Variants in ASTN1 observed in about 807,000 individuals in gnomAD.
ASTN1 encodes astrotactin-1.
A neutral mutation model predicts 140.7 loss-of-function variants in ASTN1; 41 were observed. The ratio of observed to expected loss-of-function variants is 0.29; its 90% confidence interval spans 0.23 to 0.38. The LOEUF is 0.38. Ranked by LOEUF, ASTN1 falls within the 10% of genes least tolerant of loss-of-function variation. The probability of loss-of-function intolerance (pLI) is 1.00; values close to 1 mark genes in which losing one functional copy is unlikely to be tolerated. For synonymous variants in ASTN1, 640 were observed against 652.2 expected (o/e 0.98, Z 0.29); for missense variants, 1,479 against 1,678.8 (o/e 0.88, Z 2.08).
Position 177,007,558 on chromosome 1 carries a change from G to A in ASTN1, c.1523+7233C>T, listed in dbSNP as rs1675058464. On this transcript the variant is annotated intron_variant, in intron 8 of 22. Coordinates refer to ENST00000361833, the MANE Select transcript of ASTN1 (RefSeq NM_004319.3). ...AAGAAGTGTTCTTAAGTCTGGCTGT[G>A]CTTCAGAAACATCTGTGGGAGCTTG... 2.0e-5 allele frequency among the ~76,000 whole-genome samples: 3 copies of A among 152,166 alleles called. No individual in the cohort carries two copies. In the South Asian group the frequency reaches 6.2e-4, roughly 32 times the overall value.
chr1:177,055,322 G>A (rs994794016), intron 2 of ASTN1, among the ~76,000 whole-genome samples: 6 of 152,224 alleles, frequency 3.9e-5, no homozygotes, highest in African/African-American at 9.6e-5. Flanking sequence ...TATGCCCGAC[G>A]CATCTTGACA....
chr1:176,923,352 A>G (rs1184732350), intron 16 of ASTN1, among the ~76,000 whole-genome samples: 4 of 152,156 alleles, frequency 2.6e-5, no homozygotes, highest in Non-Finnish European at 5.9e-5. Flanking sequence ...AGGGTTAACA[A>G]TTTACCCTAG....
chr1:176,861,358 G>T lies in ASTN1; in HGVS notation c.*2926C>A, dbSNP rs1667954188. 5.1e-6 allele frequency: 5 copies of T among 985,696 alleles called. No homozygotes were observed. The highest frequency in any genetic ancestry group is 6.0e-6 in the Non-Finnish European group (5 of 829,924). 61.1% of individuals were successfully genotyped at this position (985,696 alleles called of 1,614,324 possible). A position where few individuals can be genotyped will look rare whatever the true frequency, so the allele number is the denominator to read the frequency against. ...TACAGTGGTTCATGTACATTCAAGA[G>T]GAAACTCCAGAGGTCTTGGGGACAT... On this transcript the variant is annotated 3_prime_UTR_variant, in exon 23 of 23. Coordinates refer to ENST00000361833, the MANE Select transcript of ASTN1 (RefSeq NM_004319.3).
At chr1:177,057,223 T>C (rs1207577895) in intron 2 of ASTN1, among the ~76,000 whole-genome samples, 1 of 146,498 alleles carries the variant, frequency 6.8e-6, no homozygotes, top group East Asian at 1.9e-4. Context: ...AAGCAAAAGG[T>C]TTTTCAGTTT....
intron 1 of ASTN1, among the ~76,000 whole-genome samples, chr1:177,148,245 G>A (rs767136836): frequency 1.3e-5 from 2 of 151,698 alleles, no homozygotes; most frequent in East Asian, 1.9e-4. Context: ...GGTGAAACCC[G>A]GTCTCTACAA....
chr1:177,076,597 C>T (rs1286699015), intron 1 of ASTN1, among the ~76,000 whole-genome samples: 2 of 151,390 alleles, frequency 1.3e-5, no homozygotes, highest in Admixed American at 6.6e-5. Context: ...TCTTGGCTCA[C>T]TGCAACCTAT....
intron 1 of ASTN1, among the ~76,000 whole-genome samples, chr1:177,140,778 T>A (rs906749562): frequency 6.6e-6 from 1 of 152,230 alleles, no homozygotes; most frequent in East Asian, 1.9e-4. Flanking sequence ...AGCTGAGACT[T>A]CTGAGACCTC....
At chr1:176,889,155 A>G (rs1669161219) in intron 17 of ASTN1, among the ~76,000 whole-genome samples, 1 of 152,240 alleles carries the variant, frequency 6.6e-6, no homozygotes. Context: ...TAGACCAGTG[A>G]AGTAACAGAA....
chr1:177,048,687 T>G (rs1311452654), intron 2 of ASTN1, among the ~76,000 whole-genome samples: 8 of 152,194 alleles, frequency 5.3e-5, no homozygotes, highest in African/African-American at 1.9e-4. Flanking sequence ...TCCCATGGCT[T>G]GCTCCCTAAT....
In ASTN1 at chr1:177,059,308, G is replaced by A. The variant is rs527381760; in HGVS notation, c.471+1770C>T. Among the ~76,000 whole-genome samples, 20 of 151,990 alleles carry A rather than the reference G, an allele frequency of 1.3e-4. 1 individual carries two copies. The highest frequency in any genetic ancestry group is 8.3e-4 in the South Asian group (4 of 4,814). ...TGAAGACAATCTGGCCTCTAAATTC[G>A]TCACTCCAGTCAATGCCAGGGCCAA... On this transcript the variant is annotated intron_variant, in intron 2 of 22. Coordinates refer to ENST00000361833, the MANE Select transcript of ASTN1 (RefSeq NM_004319.3).
chr1:177,071,463 G>C (rs1678631592), intron 1 of ASTN1, among the ~76,000 whole-genome samples: 1 of 152,194 alleles, frequency 6.6e-6, no homozygotes, highest in African/African-American at 2.4e-5. Context: ...ACTAGTCTGT[G>C]TGAGCACCTG....
chr1:177,045,222 T>C (rs551638790), intron 2 of ASTN1, among the ~76,000 whole-genome samples: 2 of 152,310 alleles, frequency 1.3e-5, no homozygotes, highest in South Asian at 2.1e-4. Flanking sequence ...TAATCCCTAA[T>C]TCTGTTGCTC....
intron 9 of ASTN1, among the ~76,000 whole-genome samples, chr1:176,958,816 T>C (rs1006166689): frequency 1.3e-5 from 2 of 152,210 alleles, no homozygotes; most frequent in Non-Finnish European, 2.9e-5. Context: ...AGCATTTTAA[T>C]TGAAGAGAGA....
At chr1:177,001,585 T>A (rs1160383498) in intron 8 of ASTN1, among the ~76,000 whole-genome samples, 1 of 152,198 alleles carries the variant, frequency 6.6e-6, no homozygotes, top group African/African-American at 2.4e-5. Context: ...TGAAATGAGA[T>A]TTGAATCCAA....
intron 14 of ASTN1, among the ~76,000 whole-genome samples, chr1:176,940,708 CA>C (rs34218615): frequency 3.9e-5 from 6 of 152,076 alleles, no homozygotes; most frequent in Admixed American, 3.3e-4. Flanking sequence ...CATATAACAC[CA>C]AAAAGTCCTG....
At chr1:177,033,590 A>T (rs1438977516) in intron 2 of ASTN1, among the ~76,000 whole-genome samples, 1 of 152,234 alleles carries the variant, frequency 6.6e-6, no homozygotes, top group Non-Finnish European at 1.5e-5. Flanking sequence ...AAGTGTGGGG[A>T]GGAATCTCAT....
intron 13 of ASTN1, 117 bp from the exon 14 acceptor site, chr1:176,944,135 T>C (rs1470466977): frequency 3.8e-5 from 52 of 1,360,744 alleles, no homozygotes; most frequent in Non-Finnish European, 2.0e-6. Flanking sequence ...TGGAGTGCAA[T>C]GGCAGGATCT....
In ASTN1 at chr1:176,965,216, A is replaced by G. The variant is rs757662862; in HGVS notation, c.1545T>C (p.Phe515=). The G allele has an allele frequency of 6.2e-7, 1 of 1,614,034 alleles. No individual in the cohort carries two copies. The highest frequency in any genetic ancestry group is 8.5e-7 in the Non-Finnish European group (1 of 1,179,920). ...TNQGPWPYTI[F]QRGFDLVLGE... ...CCAAAACCAGGTCAAAGCCTCGCTG[A>G]AATATTGTGTAAGGCCATGGCCTAA... The change falls in exon 9 of 23, where the codon TTT becomes TTC. Residue 515 remains phenylalanine, a synonymous_variant. Coordinates refer to ENST00000361833, the MANE Select transcript of ASTN1 (RefSeq NM_004319.3).
chr1:177,007,332 C>T (rs893128222), intron 8 of ASTN1, among the ~76,000 whole-genome samples: 7 of 151,934 alleles, frequency 4.6e-5, no homozygotes, highest in African/African-American at 9.7e-5. Flanking sequence ...GTGAAGGTTG[C>T]GTGAGCCAAG....
Sources: gnomAD v4.1 joint callset for allele counts (sites outside exome capture counted in the v4.1 genomes callset) on GRCh38, gnomAD v4.1.1 for gene constraint, MANE v1.5 for transcripts, NCBI Gene and HGNC (gene_info 2026-07-23, HGNC 2026-07-21) for gene names.